The following PSTPIP2 variants were observed in gnomAD, a reference collection of about 807,000 sequenced individuals.
PSTPIP2 encodes proline-serine-threonine phosphatase interacting protein 2.
PSTPIP2 carries 33 observed loss-of-function variants against 63.3 expected under a neutral mutation model. The observed-to-expected ratio is 0.52, with a 90% CI of 0.40 to 0.70. The LOEUF is 0.70. Ranked by LOEUF, PSTPIP2 falls within the 30% of genes least tolerant of loss-of-function variation. The pLI is 0.00. For missense variants in PSTPIP2, 312 were observed against 400.7 expected (o/e 0.78, Z 1.89); for synonymous variants, 125 against 132.7 (o/e 0.94, Z 0.40).
intron 5 of PSTPIP2, among the ~76,000 whole-genome samples, chr18:46,009,438 A>T (rs1050333618): frequency 5.3e-5 from 8 of 151,536 alleles, no homozygotes; most frequent in Non-Finnish European, 8.8e-5. Context: ...ATTTTGACAC[A>T]AGTAATTACA....
intron 1 of PSTPIP2, among the ~76,000 whole-genome samples, chr18:46,054,314 G>A (rs773556822): frequency 5.1e-4 from 78 of 152,154 alleles, no homozygotes; most frequent in Non-Finnish European, 1.6e-4. Flanking sequence ...AAACTATAGA[G>A]ATTGTAAAAA....
intron 1 of PSTPIP2, among the ~76,000 whole-genome samples, chr18:46,061,270 C>T (rs1340595699): frequency 6.6e-6 from 1 of 150,912 alleles, no homozygotes; most frequent in Non-Finnish European, 1.5e-5. Context: ...CACCACTGCA[C>T]TCCAGCCTGG....
At chr18:46,025,075 G>T (rs776221392) in intron 2 of PSTPIP2, among the ~76,000 whole-genome samples, 1 of 152,136 alleles carries the variant, frequency 6.6e-6, no homozygotes, top group Non-Finnish European at 1.5e-5. Flanking sequence ...AAGGAAGGGG[G>T]ATTTCAGGAA....
chr18:46,013,062 T>C (rs1000645675), intron 4 of PSTPIP2, among the ~76,000 whole-genome samples: 4 of 151,618 alleles, frequency 2.6e-5, no homozygotes, highest in African/African-American at 4.8e-5. Flanking sequence ...TTGTCTCATT[T>C]TAATTTTTAA....
chr18:46,048,474 C>T (rs974044443), intron 1 of PSTPIP2, among the ~76,000 whole-genome samples: 1 of 152,182 alleles, frequency 6.6e-6, no homozygotes, highest in African/African-American at 2.4e-5. Flanking sequence ...ACACAACCAC[C>T]TTGACCAAAG....
At chr18:46,044,327 A>G (rs1908302540) in intron 1 of PSTPIP2, among the ~76,000 whole-genome samples, 1 of 152,248 alleles carries the variant, frequency 6.6e-6, no homozygotes, top group Admixed American at 6.5e-5. Flanking sequence ...TCAACGGAAC[A>G]GAACAGAGCC....
intron 13 of PSTPIP2, among the ~76,000 whole-genome samples, chr18:45,990,162 A>G (rs1469262715): frequency 6.6e-6 from 1 of 152,240 alleles, no homozygotes; most frequent in Non-Finnish European, 1.5e-5. Context: ...CCAAGTTGAA[A>G]TAATCTTTTA....
At chr18:45,990,788 T>G (rs1331989585) in intron 12 of PSTPIP2, 32 bp from the exon 13 acceptor site, 1 of 1,533,108 alleles carries the variant, frequency 6.5e-7, no homozygotes, top group South Asian at 1.1e-5. Context: ...GTATTTTAGA[T>G]AAGTTCTTGT....
intron 2 of PSTPIP2, chr18:46,029,507 A>T (rs1320370656): frequency 1.2e-6 from 1 of 848,350 alleles, no homozygotes; most frequent in African/African-American, 1.7e-5. Context: ...TGCCACATCT[A>T]GGAATGGACA....
intron 1 of PSTPIP2, among the ~76,000 whole-genome samples, chr18:46,042,459 T>C (rs962721605): frequency 1.3e-5 from 2 of 152,156 alleles, no homozygotes; most frequent in South Asian, 4.1e-4. Context: ...CCCCAGCATC[T>C]GAATTTGTTT....
chr18:46,003,956 C>T (rs556186479), intron 6 of PSTPIP2, among the ~76,000 whole-genome samples: 8 of 150,948 alleles, frequency 5.3e-5, no homozygotes, highest in Middle Eastern at 3.2e-3. Flanking sequence ...AGTAGAGTCG[C>T]GGTTTTGCCA....
chr18:46,018,657 A>T (rs1282475073), intron 3 of PSTPIP2, among the ~76,000 whole-genome samples: 1 of 150,702 alleles, frequency 6.6e-6, no homozygotes, highest in Non-Finnish European at 1.5e-5. Flanking sequence ...GCATGACTTG[A>T]TATCTTTTAC....
chr18:46,034,157 A>G (rs1030507977), intron 2 of PSTPIP2, among the ~76,000 whole-genome samples: 2 of 152,174 alleles, frequency 1.3e-5, no homozygotes, highest in African/African-American at 4.8e-5. Flanking sequence ...CATGGGACGT[A>G]CAGGAGCTTA....
intron 1 of PSTPIP2, among the ~76,000 whole-genome samples, chr18:46,070,375 C>T (rs1010989515): frequency 3.3e-5 from 5 of 152,246 alleles, no homozygotes; most frequent in African/African-American, 1.2e-4. Context: ...GCTAAGACCT[C>T]CCCGTATCCA....
intron 1 of PSTPIP2, among the ~76,000 whole-genome samples, chr18:46,063,740 G>A (rs754939189): frequency 2.6e-5 from 4 of 151,968 alleles, no homozygotes; most frequent in African/African-American, 7.3e-5. Flanking sequence ...GGAATTACAA[G>A]AAAATAACCA....
At chr18:46,024,863 G>A (rs1411784030) in intron 2 of PSTPIP2, among the ~76,000 whole-genome samples, 177 bp from the exon 3 acceptor site, 3 of 152,164 alleles carry the variant, frequency 2.0e-5, no homozygotes, top group African/African-American at 7.2e-5. Flanking sequence ...TAAAAAGATC[G>A]ATGGCCCTCA....
intron 10 of PSTPIP2, 51 bp downstream of exon 10, chr18:45,993,554 T>G (rs755268068): frequency 3.3e-6 from 5 of 1,522,888 alleles, no homozygotes; most frequent in Non-Finnish European, 4.6e-6. Context: ...CCTTCTACTC[T>G]AATGTATCCA....
At chr18:46,030,343 A>T (rs1907746380) in intron 2 of PSTPIP2, among the ~76,000 whole-genome samples, 1 of 152,148 alleles carries the variant, frequency 6.6e-6, no homozygotes, top group South Asian at 2.1e-4. Flanking sequence ...CTTAATAAAC[A>T]TGTGGCAGCT....
chr18:46,065,406 C>T lies in PSTPIP2; in HGVS notation c.33+6750G>A, dbSNP rs557043195. Among the ~76,000 whole-genome samples the T allele has an allele frequency of 2.0e-5, 3 of 151,962 alleles. No individual in the cohort carries two copies. In the South Asian group the frequency reaches 6.2e-4, roughly 32 times the overall value. On this transcript the variant is annotated intron_variant, in intron 1 of 14. Transcript: ENST00000409746. ...TCCTGGGTTCAAACGATTCTCCTGT[C>T]TCAGCCTCCCAAGTAGCTGAGTACA...
Sources: allele counts gnomAD v4.1 joint callset (sites outside exome capture counted in the v4.1 genomes callset), GRCh38; gene constraint gnomAD v4.1.1; transcripts MANE v1.5; gene names NCBI Gene and HGNC (gene_info 2026-07-23, HGNC 2026-07-21).